Variants in WFDC1 observed in about 807,000 individuals in gnomAD.
The protein encoded by WFDC1 is WAP four-disulfide core domain protein 1.
A neutral mutation model predicts 32.9 loss-of-function variants in WFDC1; 39 were observed. The observed-to-expected ratio is 1.19, with a 90% CI of 0.92 to 1.55. WFDC1 has a LOEUF of 1.55. WFDC1 is among the 40% of genes most tolerant of loss of function. The pLI is 0.00. For synonymous variants in WFDC1, 184 were observed against 137.4 expected (o/e 1.34, Z -2.37); for missense variants, 386 against 309.5 (o/e 1.25, Z -1.85).
At chr16:84,319,344 G>C (rs928336141) in intron 3 of WFDC1, 87 bp from the exon 4 acceptor site, 1 of 1,543,948 alleles carries the variant, frequency 6.5e-7, no homozygotes, top group Non-Finnish European at 8.7e-7. Context: ...CCCTGCACCC[G>C]TCCCGGGAGT....
chr16:84,327,386 A>G (rs1167452582), intron 6 of WFDC1: 2 of 172,242 alleles, frequency 1.2e-5, no homozygotes, highest in African/African-American at 2.4e-5. Flanking sequence ...TTTTGTAGAG[A>G]TGAGTTCTCA....
intron 3 of WFDC1, chr16:84,319,045 T>A: frequency 3.9e-6 from 1 of 257,532 alleles, no homozygotes; most frequent in Non-Finnish European, 7.5e-6. Flanking sequence ...TGGGGATGCG[T>A]GCGTATATGT....
At chr16:84,315,650 G>T (rs1290487333) in intron 2 of WFDC1, among the ~76,000 whole-genome samples, 1 of 152,242 alleles carries the variant, frequency 6.6e-6, no homozygotes, top group Admixed American at 6.5e-5. Flanking sequence ...AGGATGGTCA[G>T]CGGCTTCCTT....
At chr16:84,299,241 G>A (rs1264502444) in intron 1 of WFDC1, among the ~76,000 whole-genome samples, 4 of 152,162 alleles carry the variant, frequency 2.6e-5, no homozygotes, top group African/African-American at 9.7e-5. Context: ...GCGCATGCCT[G>A]TAATCCCAGC....
chr16:84,296,495 G>A (rs138950638), intron 1 of WFDC1, among the ~76,000 whole-genome samples: 1 of 152,258 alleles, frequency 6.6e-6, no homozygotes, highest in Non-Finnish European at 1.5e-5. Flanking sequence ...CAGTGGACCT[G>A]TGGCTTTAAA....
In WFDC1 at chr16:84,295,047, C is replaced by G; in HGVS notation, c.76C>G (p.Leu26Val). 2 of 1,614,226 alleles carry G rather than the reference C, an allele frequency of 1.2e-6. No individual in the cohort carries two copies. The highest frequency in any genetic ancestry group is 1.7e-6 in the Non-Finnish European group (2 of 1,180,038). The change falls in exon 1 of 7, where the codon CTC becomes GTC. Residue 26 changes from leucine (L) to valine (V), a missense_variant. Transcript: ENST00000219454. ...GGCTCTGTGCCTCTTGCTACTTCTC[C>G]TCCACGCCGGCTCTGCCAAGAATAT... is the stretch of plus-strand genomic sequence containing the variant. ...IRALCLLLLL[L>V]HAGSAKNIWK...
chr16:84,310,864 T>C (rs1408956292), intron 1 of WFDC1, among the ~76,000 whole-genome samples: 1 of 152,174 alleles, frequency 6.6e-6, no homozygotes, highest in African/African-American at 2.4e-5. Flanking sequence ...AATTTGCAGA[T>C]ATGCCCTATG....
intron 2 of WFDC1, among the ~76,000 whole-genome samples, chr16:84,315,192 A>C (rs796248895): frequency 2.6e-5 from 4 of 152,226 alleles, no homozygotes; most frequent in African/African-American, 9.6e-5. Context: ...CAGACATCCC[A>C]TGGCTCACTT....
At chr16:84,311,034 C>T (rs1907585121) in intron 1 of WFDC1, among the ~76,000 whole-genome samples, 1 of 152,136 alleles carries the variant, frequency 6.6e-6, no homozygotes, top group Admixed American at 6.5e-5. Context: ...TATCCTGTAT[C>T]TAACTCTGTG....
intron 1 of WFDC1, among the ~76,000 whole-genome samples, chr16:84,310,723 A>G (rs1907564760): frequency 6.6e-6 from 1 of 152,170 alleles, no homozygotes; most frequent in African/African-American, 2.4e-5. Flanking sequence ...CAGAGCCTAC[A>G]CGCTGTTCCG....
At chr16:84,325,483 A>G (rs971555549) in intron 5 of WFDC1, among the ~76,000 whole-genome samples, 4 of 151,608 alleles carry the variant, frequency 2.6e-5, no homozygotes, top group African/African-American at 9.7e-5. Context: ...ATTTACAGGC[A>G]TGAGCCACTG....
chr16:84,307,425 G>C (rs1374349742), intron 1 of WFDC1, among the ~76,000 whole-genome samples: 1 of 152,202 alleles, frequency 6.6e-6, no homozygotes, highest in Non-Finnish European at 1.5e-5. Context: ...TGTTGTTTCA[G>C]TCACGCAGTA....
In WFDC1 at chr16:84,312,899, C is replaced by T. The variant is rs1907718037; in HGVS notation, c.145-62C>T. On this transcript the variant is annotated intron_variant, in intron 1 of 6. Transcript: ENST00000219454. ...CGCACTGCCCACCCCCTTGCAAGCT[C>T]CGGGTGGCGCCGGGACTCGAACGCG... 4.7e-6 allele frequency: 5 copies of T among 1,066,160 alleles called. No individual in the cohort carries two copies. The South Asian group carries it at 1.9e-4, about 40-fold the overall frequency. The allele number at this position is 1,066,160 out of a possible 1,614,324, so 66.0% of individuals were successfully genotyped here. A position where few individuals can be genotyped will look rare whatever the true frequency, so the allele number is the denominator to read the frequency against.
intron 1 of WFDC1, among the ~76,000 whole-genome samples, chr16:84,307,714 C>T (rs1411492677): frequency 1.3e-5 from 2 of 152,126 alleles, no homozygotes; most frequent in Non-Finnish European, 1.5e-5. Context: ...CCCCTCCCGA[C>T]GACGTACGGT....
At chr16:84,297,645 A>ATAG (rs572290089) in intron 1 of WFDC1, among the ~76,000 whole-genome samples, 6 of 136,110 alleles carry the variant, frequency 4.4e-5, no homozygotes, top group African/African-American at 5.5e-5. Flanking sequence ...AAAAAAAAAA[A>ATAG]AACTGTGCCT....
In WFDC1 at chr16:84,319,510, A is replaced by C. The variant is rs1193839243; in HGVS notation, c.501A>C (p.Pro167=). ...PSGYECHILS[P]GDVAEGIPNR... is the part of the protein sequence containing the mutation. Reference sequence around the variant, plus strand: ...GCTATGAGTGCCACATCCTGAGCCCAGGTGACGTGGCCGAAGGTATCCCCA... The same window carrying C: ...GCTATGAGTGCCACATCCTGAGCCCCGGTGACGTGGCCGAAGGTATCCCCA... Residue 167 remains proline, a synonymous_variant, in exon 4 of 7, where the codon CCA becomes CCC. Transcript: ENST00000219454. The C allele has an allele frequency of 1.2e-6, 2 of 1,612,884 alleles. No individual in the cohort carries two copies. Among genetic ancestry groups the C allele is most frequent in the African/African-American group, 2.7e-5 (2 of 74,886 alleles).
At chr16:84,328,580 C>G (rs62050734) in intron 6 of WFDC1, 17,864 of 152,234 alleles carry the variant, frequency 0.12, 1,480 homozygotes, top group African/African-American at 0.23. Flanking sequence ...GACTGAGCTT[C>G]TAACAGGGAA....
At chr16:84,322,621 G>A (rs78312939) in intron 4 of WFDC1, among the ~76,000 whole-genome samples, 4,298 of 152,280 alleles carry the variant, frequency 0.028, 94 homozygotes, top group Admixed American at 0.07. Context: ...GCCCTGTGCC[G>A]ACACCTAAGA....
rs201575147 is a variant in WFDC1 at position 84,318,364 on chromosome 16, C to T, written c.421+9C>T. 2.3e-4 allele frequency: 372 copies of T among 1,613,478 alleles called. No homozygotes were observed. Among genetic ancestry groups the T allele is most frequent in the Middle Eastern group, 5.0e-4 (3 of 6,048 alleles). ...TGAGGAGGTGTTACAAGGTACCTGC[C>T]GGGTAAAGCCCAGACCCTACATCCA... On this transcript the variant is annotated intron_variant, in intron 3 of 6. Transcript: ENST00000219454.
Sources: gnomAD v4.1 joint callset for allele counts (sites outside exome capture counted in the v4.1 genomes callset) on GRCh38, gnomAD v4.1.1 for gene constraint, MANE v1.5 for transcripts, NCBI Gene and HGNC (gene_info 2026-07-23, HGNC 2026-07-21) for gene names.